Variants in TMEM184B observed in about 807,000 individuals in gnomAD.
TMEM184B encodes the protein putative MAPK-activating protein FM08.
TMEM184B carries 17 observed loss-of-function variants against 41.8 expected under a neutral mutation model. The ratio of observed to expected loss-of-function variants is 0.41; its 90% CI spans 0.28 to 0.61. TMEM184B has a LOEUF of 0.61. Ranked by LOEUF, TMEM184B falls within the 20% of genes least tolerant of loss-of-function variation. The probability of loss-of-function intolerance (pLI) is 0.34; values close to 1 mark genes in which losing one functional copy is unlikely to be tolerated. For missense variants in TMEM184B, 393 were observed against 557.8 expected, an observed-to-expected ratio of 0.70 and a Z score of 2.98; for synonymous variants, 240 against 229.5, an observed-to-expected ratio of 1.05 and a Z score of -0.41.
chr22:38,220,268 G>T lies in TMEM184B; in HGVS notation c.*1201C>A. On this transcript the variant is annotated 3_prime_UTR_variant, in exon 9 of 9. Coordinates refer to ENST00000361906, the MANE Select transcript of TMEM184B (RefSeq NM_012264.5). ...TGACCACTCCTGAGGCCTGTCCAAG[G>T]GCTCTGGGCCCAGCACTGCAGGATC... 2 of 985,932 alleles carry T rather than the reference G, an allele frequency of 2.0e-6. No homozygotes were observed. The highest frequency in any genetic ancestry group is 1.2e-6 in the Non-Finnish European group (1 of 830,004). 61.1% of individuals were successfully genotyped at this position (985,932 alleles called of 1,614,324 possible).
At position 38,259,566 on chromosome 22, in the gene TMEM184B, G is replaced by A. The variant is rs190929751; in HGVS notation, c.-58-11547C>T. On this transcript the variant is annotated intron_variant, in intron 1 of 8. Coordinates refer to ENST00000361906, the MANE Select transcript of TMEM184B (RefSeq NM_012264.5). The stretch of plus-strand genomic sequence containing the variant: ...GCTGCCCTTGCAGATGGCGAAAGGC[G>A]CCACAAGCCACAGATGGAGGTGGTC... Among the ~76,000 whole-genome samples the A allele has an allele frequency of 2.2e-3, 329 of 152,224 alleles. 3 individuals are homozygous for A. The highest frequency in any genetic ancestry group is 7.5e-3 in the African/African-American group (310 of 41,534).
chr22:38,250,040 G>A (rs1251414592), intron 1 of TMEM184B, among the ~76,000 whole-genome samples: 2 of 152,232 alleles, frequency 1.3e-5, no homozygotes, highest in African/African-American at 2.4e-5. Context: ...GAGAATGAGC[G>A]AACACCAACC....
chr22:38,230,406 T>G (rs2091577750), intron 5 of TMEM184B, among the ~76,000 whole-genome samples: 1 of 152,206 alleles, frequency 6.6e-6, no homozygotes, highest in Admixed American at 6.5e-5. Context: ...TCACACACAC[T>G]GAGACTTGGT....
intron 5 of TMEM184B, among the ~76,000 whole-genome samples, chr22:38,227,869 C>G (rs1324215305): frequency 6.6e-6 from 1 of 152,220 alleles, no homozygotes; most frequent in African/African-American, 2.4e-5. Flanking sequence ...TTCCCGATTC[C>G]CTACGGGCGG....
intron 3 of TMEM184B, among the ~76,000 whole-genome samples, chr22:38,236,921 G>T (rs2091786840): frequency 6.6e-6 from 1 of 152,152 alleles, no homozygotes; most frequent in Non-Finnish European, 1.5e-5. Context: ...GAGGCTCCAG[G>T]CTTCTCCCTC....
intron 1 of TMEM184B, among the ~76,000 whole-genome samples, chr22:38,255,725 G>A (rs2092266093): frequency 6.6e-6 from 1 of 152,208 alleles, no homozygotes; most frequent in African/African-American, 2.4e-5. Context: ...ATACACACAA[G>A]TGATCTGGAT....
At chr22:38,242,312 C>CAA (rs749920784) in intron 3 of TMEM184B, among the ~76,000 whole-genome samples, 3 of 109,488 alleles carry the variant, frequency 2.7e-5, no homozygotes, top group East Asian at 2.6e-4. Flanking sequence ...TACTAAAATA[C>CAA]AAAAAAAAAA....
At chr22:38,267,052 T>C (rs1300897851) in intron 1 of TMEM184B, among the ~76,000 whole-genome samples, 6 of 150,296 alleles carry the variant, frequency 4.0e-5, no homozygotes, top group African/African-American at 1.2e-4. Flanking sequence ...CACTGCACTG[T>C]CTGCCTGGGC....
At chr22:38,251,055 C>T (rs1345355291) in intron 1 of TMEM184B, among the ~76,000 whole-genome samples, 1 of 152,156 alleles carries the variant, frequency 6.6e-6, no homozygotes, top group African/African-American at 2.4e-5. Flanking sequence ...CCCTCCTGCT[C>T]CAGAGCCTCC....
chr22:38,248,626 C>G (rs959170319), intron 1 of TMEM184B, among the ~76,000 whole-genome samples: 1 of 152,336 alleles, frequency 6.6e-6, no homozygotes, highest in South Asian at 2.1e-4. Context: ...TACATCGACA[C>G]CACCCGACTA....
chr22:38,230,613 G>A (rs570123987), intron 5 of TMEM184B, 56 bp downstream of exon 5: 1 of 1,561,610 alleles, frequency 6.4e-7, no homozygotes, highest in East Asian at 2.3e-5. Flanking sequence ...CCACGGCAGG[G>A]CCTCCCAGAC....
At chr22:38,252,729 C>T (rs2092194557) in intron 1 of TMEM184B, among the ~76,000 whole-genome samples, 2 of 152,208 alleles carry the variant, frequency 1.3e-5, no homozygotes. Flanking sequence ...TCCCACTAGA[C>T]TCCACCACGT....
intron 5 of TMEM184B, among the ~76,000 whole-genome samples, chr22:38,228,121 G>A (rs1475116278): frequency 1.3e-5 from 2 of 152,146 alleles, no homozygotes; most frequent in Non-Finnish European, 2.9e-5. Flanking sequence ...CCCACACCAT[G>A]GGGCTGCCAT....
intron 1 of TMEM184B, among the ~76,000 whole-genome samples, chr22:38,251,767 T>C (rs2092168471): frequency 6.6e-6 from 1 of 152,158 alleles, no homozygotes; most frequent in Non-Finnish European, 1.5e-5. Context: ...TGGTGCAGCC[T>C]CTTTACTCCC....
Position 38,221,367 on chromosome 22 carries a change from G to A in TMEM184B, c.*102C>T, listed in dbSNP as rs2091254122. 2 of 1,493,920 alleles carry A rather than the reference G, an allele frequency of 1.3e-6. No homozygotes were observed. Among genetic ancestry groups the A allele is most frequent in the Admixed American group, 4.7e-5 (2 of 42,516 alleles). 92.5% of individuals were successfully genotyped at this position (1,493,920 alleles called of 1,614,324 possible). ...CTGGTCCAATAAATAAAGGCGGCGT[G>A]AGCACTGTGCCAGCTGCCTCCTGGC... On this transcript the variant is annotated 3_prime_UTR_variant, in exon 9 of 9. Coordinates refer to ENST00000361906, the MANE Select transcript of TMEM184B (RefSeq NM_012264.5).
chr22:38,249,687 C>T (rs1335148951), intron 1 of TMEM184B, among the ~76,000 whole-genome samples: 2 of 152,216 alleles, frequency 1.3e-5, no homozygotes, highest in Non-Finnish European at 2.9e-5. Flanking sequence ...ACTTCCCAGC[C>T]TCCAGAACTG....
In TMEM184B at chr22:38,248,945, A is replaced by C. The variant is rs928063485; in HGVS notation, c.-58-926T>G. Among the ~76,000 whole-genome samples, 16 of 151,820 alleles carry C rather than the reference A, an allele frequency of 1.1e-4. 1 individual carries two copies. Among genetic ancestry groups the C allele is most frequent in the Admixed American group, 3.3e-4 (5 of 15,238 alleles). On this transcript the variant is annotated intron_variant, in intron 1 of 8. Transcript: ENST00000361906. ...TTTGGAGACTCTGTGGCTCCTCCCC[A>C]ATCTGTGTACCTCTAAACTCTCATC... is the stretch of plus-strand genomic sequence containing the variant.
At chr22:38,240,025 G>A (rs2091869066) in intron 3 of TMEM184B, among the ~76,000 whole-genome samples, 1 of 151,892 alleles carries the variant, frequency 6.6e-6, no homozygotes, top group African/African-American at 2.4e-5. Context: ...CACGATCACA[G>A]CTCACTGCAG....
intron 1 of TMEM184B, among the ~76,000 whole-genome samples, chr22:38,261,052 G>A (rs780036739): frequency 6.6e-6 from 1 of 152,142 alleles, no homozygotes; most frequent in African/African-American, 2.4e-5. Flanking sequence ...GGTCAGACTC[G>A]AGCACTGTTC....
Sources: gnomAD v4.1 joint callset for allele counts (sites outside exome capture counted in the v4.1 genomes callset) on GRCh38, gnomAD v4.1.1 for gene constraint, MANE v1.5 for transcripts, NCBI Gene and HGNC (gene_info 2026-07-23, HGNC 2026-07-21) for gene names.